The following RGS6 variants were observed in gnomAD, a reference collection of about 807,000 sequenced individuals.
RGS6 encodes regulator of G protein signaling 6, also known as regulator of G-protein signaling 6.
Under a neutral mutation model 78.5 loss-of-function variants are expected in RGS6, and 30 were observed. The ratio of observed to expected loss-of-function variants is 0.38; its 90% confidence interval spans 0.29 to 0.52. The LOEUF is 0.52. Among genes scored for constraint, RGS6 ranks in the 20% least tolerant of loss-of-function variants. RGS6 has a pLI of 0.85. For missense variants in RGS6, 495 were observed against 609.7 expected (o/e 0.81, Z 1.98); for synonymous variants, 206 against 206.0 (o/e 1.00, Z 0.00).
At chr14:71,930,972 C>G (rs1353872504), upstream of RGS6, among the ~76,000 whole-genome samples, 1 of 48,728 alleles carries the variant, frequency 2.1e-5, no homozygotes, top group Non-Finnish European at 3.7e-5. Flanking sequence ...AAGGAAACTA[C>G]GTCTCAAAAA....
At chr14:72,200,334 G>T (rs548138470) in intron 2 of RGS6, among the ~76,000 whole-genome samples, 3 of 152,126 alleles carry the variant, frequency 2.0e-5, no homozygotes, top group Non-Finnish European at 4.4e-5. Context: ...TTCGGAACCC[G>T]CTTCCTTCAT....
chr14:71,869,220 A>G, the RGS6 span, among the ~76,000 whole-genome samples: 1 of 152,226 alleles, frequency 6.6e-6, no homozygotes, highest in Non-Finnish European at 1.5e-5. Flanking sequence ...TCTATGCCAG[A>G]TTCGCCTTTA....
rs577449311 is a variant in RGS6 at position 72,374,246 on chromosome 14, C to A, written c.184+22052C>A. On this transcript the variant is annotated intron_variant, in intron 3 of 17. Coordinates refer to ENST00000553525, the MANE Select transcript of RGS6 (RefSeq NM_001204424.2). Reference sequence around the variant, plus strand: ...TAATGCTATCCCTCCCCCCTCCCCCCACCCCACGACAGGCCGTGGTGTGGG... The same window carrying A: ...TAATGCTATCCCTCCCCCCTCCCCCAACCCCACGACAGGCCGTGGTGTGGG... Among the ~76,000 whole-genome samples, 6 of 150,516 alleles carry A rather than the reference C, an allele frequency of 4.0e-5. No individual in the cohort carries two copies. In the South Asian group the frequency reaches 8.6e-4, roughly 22 times the overall value.
chr14:72,208,838 C>A (rs2043316841), intron 2 of RGS6, among the ~76,000 whole-genome samples: 1 of 152,170 alleles, frequency 6.6e-6, no homozygotes, highest in Admixed American at 6.6e-5. Context: ...GTCTTTTAAT[C>A]AGAAAGCATA....
the RGS6 span, among the ~76,000 whole-genome samples, chr14:72,613,207 T>C: frequency 6.6e-6 from 1 of 152,086 alleles, no homozygotes; most frequent in African/African-American, 2.4e-5. Context: ...AGGGAATATA[T>C]AGGCCCCAGG....
At chr14:72,145,159 A>C (rs2096591384) in intron 2 of RGS6, among the ~76,000 whole-genome samples, 1 of 152,170 alleles carries the variant, frequency 6.6e-6, no homozygotes, top group Non-Finnish European at 1.5e-5. Context: ...TAGGTTTTAC[A>C]ATAGTGATGT....
chr14:72,303,540 C>T (rs1033095747), intron 2 of RGS6, among the ~76,000 whole-genome samples: 5 of 152,236 alleles, frequency 3.3e-5, no homozygotes, highest in African/African-American at 1.2e-4. Flanking sequence ...AAACCAGCTT[C>T]CCTTAGATTC....
At chr14:72,595,862 C>T in the RGS6 span, among the ~76,000 whole-genome samples, 3 of 152,282 alleles carry the variant, frequency 2.0e-5, no homozygotes, top group Admixed American at 6.5e-5. Flanking sequence ...CGCCCATTCG[C>T]GCTGCTTAAA....
intron 14 of RGS6, chr14:72,511,849 A>G (rs921988186): frequency 5.9e-5 from 9 of 152,218 alleles, no homozygotes; most frequent in African/African-American, 1.7e-4. Context: ...ATTATACAAG[A>G]GCCTTTCCTT....
chr14:72,265,759 C>G (rs1302314680), intron 2 of RGS6, among the ~76,000 whole-genome samples: 1 of 152,148 alleles, frequency 6.6e-6, no homozygotes, highest in Non-Finnish European at 1.5e-5. Flanking sequence ...CATGTACATC[C>G]CTACCTGAGC....
intron 3 of RGS6, among the ~76,000 whole-genome samples, chr14:72,371,648 C>A (rs1050150959): frequency 6.6e-6 from 1 of 152,124 alleles, no homozygotes; most frequent in African/African-American, 2.4e-5. Context: ...GTAATCCTAG[C>A]TGCTCAGGAG....
chr14:72,555,482 ACTTAAGTT>A (rs1466067942), intron 17 of RGS6, among the ~76,000 whole-genome samples: 1 of 152,178 alleles, frequency 6.6e-6, no homozygotes, highest in Non-Finnish European at 1.5e-5. Context: ...ATGCTCAAGA[ACTTAAGTT>A]CTTTTCTCAG....
At chr14:72,282,677 A>G (rs941715686) in intron 2 of RGS6, among the ~76,000 whole-genome samples, 17 of 152,340 alleles carry the variant, frequency 1.1e-4, no homozygotes, top group African/African-American at 1.4e-4. Context: ...GACATATGCA[A>G]TTACCTGTGA....
At chr14:72,426,809 G>A (rs1180209299) in intron 3 of RGS6, among the ~76,000 whole-genome samples, 1 of 152,200 alleles carries the variant, frequency 6.6e-6, no homozygotes, top group East Asian at 1.9e-4. Flanking sequence ...TTCCAAAGAT[G>A]TCTGGAATAA....
At chr14:72,356,444 T>C (rs2080308714) in intron 3 of RGS6, among the ~76,000 whole-genome samples, 1 of 152,184 alleles carries the variant, frequency 6.6e-6, no homozygotes, top group Non-Finnish European at 1.5e-5. Flanking sequence ...CTTTCCTTTA[T>C]AAATTACCCA....
At chr14:72,486,397 A>T (rs1459959041) in intron 12 of RGS6, among the ~76,000 whole-genome samples, 4 of 152,136 alleles carry the variant, frequency 2.6e-5, no homozygotes, top group African/African-American at 7.2e-5. Context: ...AGGGCTTATA[A>T]ATAAATACAT....
chr14:71,995,279 C>T (rs1465962927), intron 2 of RGS6, among the ~76,000 whole-genome samples: 3 of 152,170 alleles, frequency 2.0e-5, no homozygotes, highest in Admixed American at 6.5e-5. Context: ...GAAGATCTGG[C>T]AACACCAGGC....
At chr14:72,120,416 C>T (rs975172198) in intron 2 of RGS6, among the ~76,000 whole-genome samples, 4 of 152,166 alleles carry the variant, frequency 2.6e-5, no homozygotes, top group African/African-American at 9.7e-5. Flanking sequence ...CTGTAGCAAT[C>T]CCTGAGGTAC....
intron 2 of RGS6, among the ~76,000 whole-genome samples, chr14:72,043,133 T>A (rs2153383847): frequency 6.6e-6 from 1 of 152,242 alleles, no homozygotes; most frequent in South Asian, 2.1e-4. Context: ...TTACTCTTTA[T>A]TTATTAAGGG....
Sources: gnomAD v4.1 joint callset for allele counts (sites outside exome capture counted in the v4.1 genomes callset) on GRCh38, gnomAD v4.1.1 for gene constraint, MANE v1.5 for transcripts, NCBI Gene and HGNC (gene_info 2026-07-23, HGNC 2026-07-21) for gene names.